KCNQ2: variants seen among roughly 807,000 people sequenced by gnomAD.
KCNQ2 encodes the protein potassium voltage-gated channel subfamily Q member 2, also known as potassium voltage-gated channel subfamily KQT member 2.
Under a neutral mutation model 84.8 loss-of-function variants are expected in KCNQ2, and 14 were observed. The observed-to-expected ratio is 0.17, with a 90% CI of 0.11 to 0.26. KCNQ2 has a LOEUF of 0.26. KCNQ2 is among the 10% of genes least tolerant of loss of function. KCNQ2 has a pLI of 1.00. For synonymous variants in KCNQ2, 599 were observed against 554.1 expected (o/e 1.08, Z -1.14); for missense variants, 788 against 1,254.0 (o/e 0.63, Z 5.61).
At chr20:63,445,115 CAGA>C in intron 3 of KCNQ2, 120 bp downstream of exon 3, 1 of 1,341,364 alleles carries the variant, frequency 7.5e-7, no homozygotes, top group Non-Finnish European at 1.1e-6. Flanking sequence ...AAGAAACTTC[CAGA>C]AGGAGCCAGT....
At position 63,400,305 on chromosome 20, in the gene KCNQ2, A is replaced by C; in HGVS notation, c.*6339T>G. 7.7e-6 allele frequency: 2 copies of C among 259,546 alleles called. No individual in the cohort carries two copies. Among genetic ancestry groups the C allele is most frequent in the Non-Finnish European group, 1.4e-5 (2 of 138,886 alleles). The allele number at this position is 259,546 out of a possible 1,614,324, so 16.1% of individuals were successfully genotyped here. ...GGGATCCCCAGAACCTTCCACGGCC[A>C]TCGCGGCCGCAGGACCCCACACCCG... On this transcript the variant is annotated 3_prime_UTR_variant, in exon 17 of 17. Transcript: ENST00000359125. The surrounding 1 kb of genome is among the most constrained non-coding windows in gnomAD (Gnocchi z 8.7).
In KCNQ2 at chr20:63,413,988, G is replaced by A; in HGVS notation, c.1631+100C>T. The A allele has an allele frequency of 3.5e-6, 3 of 869,056 alleles. No homozygotes were observed. In the South Asian group the frequency reaches 4.0e-5, roughly 12 times the overall value. 53.8% of individuals were successfully genotyped at this position (869,056 alleles called of 1,614,324 possible). A position where few individuals can be genotyped will look rare whatever the true frequency, so the allele number is the denominator to read the frequency against. On this transcript the variant is annotated intron_variant, in intron 14 of 16. Transcript: ENST00000359125. ...TTTTCCCAGTAGACTCTGTCTCTGG[G>A]CGGCTCTGTCCAGCACCATGAGCAC...
At chr20:63,410,635 A>G (rs1320515938) in intron 15 of KCNQ2, among the ~76,000 whole-genome samples, 1 of 152,180 alleles carries the variant, frequency 6.6e-6, no homozygotes, top group African/African-American at 2.4e-5. Flanking sequence ...GCAGTAACAG[A>G]CACGGCCCTG....
At position 63,408,469 on chromosome 20, in the gene KCNQ2, C is replaced by G. The variant is rs761188359; in HGVS notation, c.1831G>C (p.Ala611Pro). ...ATGCTGGGGTCCTCGGGCAGCTCCG[C>G]CTCGGCCGGGCCCTTGGTGCGGTCC... is the stretch of plus-strand genomic sequence containing the variant. ...DKDRTKGPAE[A>P]ELPEDPSMMG... The change falls in exon 16 of 17, where the codon GCG becomes CCG. Residue 611 changes from alanine to proline, a missense_variant. By Grantham distance (27) the Ala-to-Pro change is conservative (BLOSUM62 -1). This residue lies in a region of KCNQ2 where 378 missense variants were observed against 434.5 expected (regional missense o/e 0.87). Coordinates refer to ENST00000359125, the MANE Select transcript of KCNQ2 (RefSeq NM_172107.4). The surrounding 1 kb of genome is among the most constrained non-coding windows in gnomAD (Gnocchi z 5.0). The G allele has an allele frequency of 1.9e-6, 3 of 1,608,118 alleles. No individual in the cohort carries two copies. Among genetic ancestry groups the G allele is most frequent in the Non-Finnish European group, 2.5e-6 (3 of 1,178,320 alleles).
intron 1 of KCNQ2, among the ~76,000 whole-genome samples, chr20:63,468,169 T>C (rs576519854): frequency 6.6e-6 from 1 of 152,144 alleles, no homozygotes; most frequent in East Asian, 1.9e-4. Flanking sequence ...GAAATCCAGG[T>C]TTCCCCAGAA....
chr20:63,459,192 C>A (rs893822996), intron 1 of KCNQ2: 1 of 152,314 alleles, frequency 6.6e-6, no homozygotes, highest in African/African-American at 2.4e-5. Flanking sequence ...CAAAACGGCA[C>A]CACGATGACA....
At position 63,406,458 on chromosome 20, in the gene KCNQ2, A is replaced by G. The variant is rs1338468034; in HGVS notation, c.*186T>C. On this transcript the variant is annotated 3_prime_UTR_variant, in exon 17 of 17. Transcript: ENST00000359125. ...CCAGCCCTCCAGCCCCTGTTGGAAAATAACTTTTGTAAAAGGTCACTGCCA... is the reference window on the plus strand; with the variant it reads ...CCAGCCCTCCAGCCCCTGTTGGAAAGTAACTTTTGTAAAAGGTCACTGCCA... The G allele has an allele frequency of 6.9e-6, 5 of 728,428 alleles. No individual in the cohort carries two copies. Among genetic ancestry groups the G allele is most frequent in the Non-Finnish European group, 1.1e-5 (5 of 458,030 alleles). 45.1% of individuals were successfully genotyped at this position (728,428 alleles called of 1,614,324 possible). A position where few individuals can be genotyped will look rare whatever the true frequency, so the allele number is the denominator to read the frequency against.
In KCNQ2 at chr20:63,425,717, C is replaced by A. The variant is rs2080608245; in HGVS notation, c.1218-1511G>T. Among the ~76,000 whole-genome samples, 1 of 151,776 alleles carries A rather than the reference C, an allele frequency of 6.6e-6. No homozygotes were observed. Among genetic ancestry groups the A allele is most frequent in the Admixed American group, 6.6e-5 (1 of 15,238 alleles). On this transcript the variant is annotated intron_variant, in intron 10 of 16. Transcript: ENST00000359125. This position sits in a 1 kb window ranked among gnomAD's most constrained non-coding sequence, Gnocchi z 5.5. ...CCTGAGTGACGCAGGGAGACTCCGT[C>A]TCAGAGAAAAAAAAAAGAAATCCCA...
rs2145490385 is a variant in KCNQ2, at chr20:63,407,474, A to G, written c.1888-99T>C. ...AAATGGGGGGGCCCAGGCTGGTTCC[A>G]GGAAACAGGAGAGACCCAGGCTAGT... On this transcript the variant is annotated intron_variant, in intron 16 of 16. Coordinates refer to ENST00000359125, the MANE Select transcript of KCNQ2 (RefSeq NM_172107.4). This position sits in a 1 kb window ranked among gnomAD's most constrained non-coding sequence, Gnocchi z 7.2. The G allele has an allele frequency of 7.7e-7, 1 of 1,304,040 alleles. No individual in the cohort carries two copies. Among genetic ancestry groups the G allele is most frequent in the East Asian group, 2.4e-5 (1 of 41,148 alleles). The allele number at this position is 1,304,040 out of a possible 1,614,324, so 80.8% of individuals were successfully genotyped here.
intron 1 of KCNQ2, among the ~76,000 whole-genome samples, chr20:63,468,908 C>G (rs1165118610): frequency 1.3e-5 from 2 of 152,254 alleles, no homozygotes; most frequent in African/African-American, 4.8e-5. Flanking sequence ...GGAGCTCACT[C>G]AACCTTCCTC....
In KCNQ2 at chr20:63,414,289, AGCCCCTCGAGGCTCCCTGTGGT is replaced by A. The variant is rs914410945; in HGVS notation, c.1526-118_1526-97del. On this transcript the variant is annotated intron_variant, in intron 13 of 16. Transcript: ENST00000359125. This position sits in a 1 kb window ranked among gnomAD's most constrained non-coding sequence, Gnocchi z 6.6. ...ACACCGGCTAGACAGAGCGCCAGGG[AGCCCCTCGAGGCTCCCTGTGGT>A]GCCCCTCGGGTGCACCTGCTTTTCT... is the stretch of plus-strand genomic sequence containing the variant. 19 of 895,626 alleles carry A rather than the reference AGCCCCTCGAGGCTCCCTGTGGT, an allele frequency of 2.1e-5. No individual in the cohort carries two copies. The highest frequency in any genetic ancestry group is 2.9e-5 in the Non-Finnish European group (16 of 548,192). 55.5% of individuals were successfully genotyped at this position (895,626 alleles called of 1,614,324 possible).
At chr20:63,462,175 G>A (rs77035918) in intron 1 of KCNQ2, among the ~76,000 whole-genome samples, 153 of 112,650 alleles carry the variant, frequency 1.4e-3, no homozygotes, top group African/African-American at 5.3e-3. Flanking sequence ...CTACCCCAGG[G>A]AGCAGGGAGG....
Position 63,460,305 on chromosome 20 carries a change from C to G in KCNQ2, c.296+11863G>C, listed in dbSNP as rs974886396. Among the ~76,000 whole-genome samples, 7 of 152,164 alleles carry G rather than the reference C, an allele frequency of 4.6e-5. No homozygotes were observed. The highest frequency in any genetic ancestry group is 4.6e-4 in the Admixed American group (7 of 15,284). On this transcript the variant is annotated intron_variant, in intron 1 of 16. Coordinates refer to ENST00000359125, the MANE Select transcript of KCNQ2 (RefSeq NM_172107.4). The surrounding 1 kb of genome is among the most constrained non-coding windows in gnomAD (Gnocchi z 5.4). Reference sequence around the variant, plus strand: ...AGCTGGGGTGGAGAGGGGCTCCCCCCACCCTCAACAAGGGGGCTCCTCCTG... The same window carrying G: ...AGCTGGGGTGGAGAGGGGCTCCCCCGACCCTCAACAAGGGGGCTCCTCCTG...
chr20:63,461,778 C>A (rs2081955931), intron 1 of KCNQ2, among the ~76,000 whole-genome samples: 1 of 147,866 alleles, frequency 6.8e-6, no homozygotes, highest in African/African-American at 2.5e-5. Flanking sequence ...GCACCTACCC[C>A]AGGGAGCAGG....
chr20:63,472,364 A>G lies in KCNQ2; in HGVS notation c.100T>C (p.Ser34Pro). Reference sequence around the variant, plus strand: ...ATCAGCAGCGCCCCGTCCCGGGTGGAGTCGGGCGCGCCGGGGTCCAGCCCC... The same window carrying G: ...ATCAGCAGCGCCCCGTCCCGGGTGGGGTCGGGCGCGCCGGGGTCCAGCCCC... ...FVGLDPGAPD[S>P]TRDGALLIAG... The change falls in exon 1 of 17, where the codon TCC (serine) becomes CCC (proline). Residue 34 changes from serine to proline, a missense_variant. Ser to Pro is a moderately conservative substitution (Grantham distance 74). Coordinates refer to ENST00000359125, the MANE Select transcript of KCNQ2 (RefSeq NM_172107.4). The G allele has an allele frequency of 6.5e-7, 1 of 1,534,858 alleles. No individual in the cohort carries two copies. Among genetic ancestry groups the G allele is most frequent in the East Asian group, 2.5e-5 (1 of 39,458 alleles).
intron 9 of KCNQ2, among the ~76,000 whole-genome samples, chr20:63,429,965 G>A (rs982928484): frequency 1.3e-5 from 2 of 152,236 alleles, no homozygotes; most frequent in Admixed American, 6.5e-5. Context: ...TCGGGATGGA[G>A]CAGGAACCAG....
chr20:63,409,749 G>A (rs990436659), intron 15 of KCNQ2, among the ~76,000 whole-genome samples: 2 of 151,200 alleles, frequency 1.3e-5, no homozygotes, highest in Admixed American at 1.3e-4. Context: ...CTGATGGTGG[G>A]GGAGGGACTT....
Position 63,446,715 on chromosome 20 carries a change from A to G in KCNQ2, c.387+32T>C, listed in dbSNP as rs2081436699. On this transcript the variant is annotated intron_variant, in intron 2 of 16. Transcript: ENST00000359125. The surrounding 1 kb of genome is among the most constrained non-coding windows in gnomAD (Gnocchi z 5.5). ...AGGCAGCTCCAGCTCCTTCCTGGGCACTTCCAGCCCCCGCCCTCCCTCGGG... is the reference window on the plus strand; with the variant it reads ...AGGCAGCTCCAGCTCCTTCCTGGGCGCTTCCAGCCCCCGCCCTCCCTCGGG... 5 of 1,575,910 alleles carry G rather than the reference A, an allele frequency of 3.2e-6. No homozygotes were observed. Among genetic ancestry groups the G allele is most frequent in the Admixed American group, 1.7e-5 (1 of 59,920 alleles).
intron 15 of KCNQ2, chr20:63,413,186 T>C (rs1470839674): frequency 9.6e-6 from 5 of 523,534 alleles, no homozygotes; most frequent in Non-Finnish European, 1.8e-5. Context: ...CACACACACA[T>C]GCACACACAC....
Sources: allele counts gnomAD v4.1 joint callset (sites outside exome capture counted in the v4.1 genomes callset), GRCh38; gene constraint gnomAD v4.1.1; regional missense constraint gnomAD v4.1.1; non-coding constraint Gnocchi (gnomAD v3.1); transcripts MANE v1.5; gene names NCBI Gene and HGNC (gene_info 2026-07-23, HGNC 2026-07-21).